Variants in TAOK3 observed in about 807,000 individuals in gnomAD.
TAOK3 encodes TAO kinase 3.
A neutral mutation model predicts 120.4 loss-of-function variants in TAOK3; 40 were observed. The ratio of observed to expected loss-of-function variants is 0.33; its 90% CI spans 0.26 to 0.43. The LOEUF is 0.43. TAOK3 is among the 20% of genes least tolerant of loss of function. The pLI, the probability that TAOK3 is intolerant of heterozygous loss-of-function variation, is 1.00. For synonymous variants in TAOK3, 355 were observed against 387.5 expected (o/e 0.92, Z 0.99); for missense variants, 821 against 1,112.1 (o/e 0.74, Z 3.72).
At chr12:118,222,227 C>G (rs960288116) in intron 9 of TAOK3, among the ~76,000 whole-genome samples, 3 of 151,942 alleles carry the variant, frequency 2.0e-5, no homozygotes, top group African/African-American at 7.3e-5. Flanking sequence ...GCCCACTGAC[C>G]AAGGAGTAAA....
intron 9 of TAOK3, among the ~76,000 whole-genome samples, chr12:118,228,339 A>AT (rs1157127199): frequency 6.6e-6 from 1 of 151,822 alleles, no homozygotes; most frequent in African/African-American, 2.4e-5. Context: ...TTTAGTAGAG[A>AT]TGGGGTTTCG....
intron 1 of TAOK3, among the ~76,000 whole-genome samples, chr12:118,333,297 A>G (rs2044228288): frequency 6.6e-6 from 1 of 152,248 alleles, no homozygotes; most frequent in Non-Finnish European, 1.5e-5. Flanking sequence ...TCTTCTGATC[A>G]TAATGAAATC....
At position 118,305,866 on chromosome 12, in the gene TAOK3, G is replaced by A. The variant is rs2043033239; in HGVS notation, c.-193-39107C>T. Among the ~76,000 whole-genome samples the A allele has an allele frequency of 2.1e-5, 3 of 142,878 alleles. No homozygotes were observed. The Admixed American group carries it at 2.2e-4, about 11-fold the overall frequency. The allele number at this position is 142,878 out of a possible 152,430, so 93.7% of individuals were successfully genotyped here. On this transcript the variant is annotated intron_variant, in intron 1 of 20. Coordinates refer to ENST00000392533, the MANE Select transcript of TAOK3 (RefSeq NM_016281.4). ...TTGCATGAGCTGAGATCACGCCACT[G>A]CACTCCAGCCTGGGCAACAGCAAAC... is the stretch of plus-strand genomic sequence containing the variant.
In TAOK3 at chr12:118,160,136, A is replaced by G; in HGVS notation, c.2352+10T>C. On this transcript the variant is annotated intron_variant, in intron 19 of 20. Coordinates refer to ENST00000392533, the MANE Select transcript of TAOK3 (RefSeq NM_016281.4). The surrounding 1 kb of genome is among the most constrained non-coding windows in gnomAD (Gnocchi z 4.2). ...CTCTCGAAGCCGTGGCACCAAACCT[A>G]ACCACTTACCGCTTGAGAGGCCATC... The G allele has an allele frequency of 6.2e-7, 1 of 1,610,008 alleles. No individual in the cohort carries two copies. Among genetic ancestry groups the G allele is most frequent in the Non-Finnish European group, 8.5e-7 (1 of 1,176,238 alleles).
At chr12:118,217,436 C>T (rs2038960767) in intron 9 of TAOK3, among the ~76,000 whole-genome samples, 3 of 152,040 alleles carry the variant, frequency 2.0e-5, no homozygotes, top group Admixed American at 6.6e-5. Flanking sequence ...CCTACAATCC[C>T]AGAACTTTGG....
intron 1 of TAOK3, among the ~76,000 whole-genome samples, chr12:118,269,930 T>C (rs1194355636): frequency 6.6e-6 from 1 of 152,220 alleles, no homozygotes; most frequent in African/African-American, 2.4e-5. Context: ...TCTTCATAAA[T>C]GTCTCTTGGA....
At chr12:118,336,173 T>C (rs557184877) in intron 1 of TAOK3, among the ~76,000 whole-genome samples, 5 of 152,232 alleles carry the variant, frequency 3.3e-5, no homozygotes, top group African/African-American at 1.2e-4. Context: ...AGGAATCACT[T>C]TACTCAATAT....
intron 1 of TAOK3, among the ~76,000 whole-genome samples, chr12:118,313,353 T>C (rs1397309206): frequency 2.0e-5 from 3 of 152,164 alleles, no homozygotes; most frequent in African/African-American, 4.8e-5. Flanking sequence ...CTTGGCTCAC[T>C]GCAACCTCCG....
At chr12:118,194,762 A>C (rs1266364131) in intron 13 of TAOK3, among the ~76,000 whole-genome samples, 1 of 151,764 alleles carries the variant, frequency 6.6e-6, no homozygotes, top group Non-Finnish European at 1.5e-5. Flanking sequence ...TTCCCCCTCC[A>C]CCAGACGGAG....
intron 1 of TAOK3, among the ~76,000 whole-genome samples, chr12:118,360,950 G>C (rs2045578677): frequency 6.6e-6 from 1 of 152,166 alleles, no homozygotes; most frequent in South Asian, 2.1e-4. Flanking sequence ...ATATGTTCCA[G>C]CAGGGAAAAG....
chr12:118,289,124 A>G (rs1190348197), intron 1 of TAOK3, among the ~76,000 whole-genome samples: 1 of 151,564 alleles, frequency 6.6e-6, no homozygotes, highest in African/African-American at 2.4e-5. Context: ...AACATGGTGA[A>G]ACCCTGTCTC....
At chr12:118,223,406 G>C (rs1446465804) in intron 9 of TAOK3, among the ~76,000 whole-genome samples, 1 of 151,386 alleles carries the variant, frequency 6.6e-6, no homozygotes, top group Non-Finnish European at 1.5e-5. Flanking sequence ...GAGTACAATG[G>C]CGTGATCTTG....
At chr12:118,167,483 G>A (rs1204506261) in intron 17 of TAOK3, among the ~76,000 whole-genome samples, 3 of 151,722 alleles carry the variant, frequency 2.0e-5, no homozygotes, top group East Asian at 1.9e-4. Context: ...AATGTCCACC[G>A]AGAAGTGTCT....
chr12:118,333,886 A>G (rs2044252267), intron 1 of TAOK3, among the ~76,000 whole-genome samples: 1 of 151,848 alleles, frequency 6.6e-6, no homozygotes, highest in African/African-American at 2.4e-5. Flanking sequence ...CTGTAATCCC[A>G]GCACTTTGGG....
intron 16 of TAOK3, among the ~76,000 whole-genome samples, chr12:118,173,221 T>C (rs1315222332): frequency 6.6e-6 from 1 of 151,274 alleles, no homozygotes; most frequent in African/African-American, 2.4e-5. Context: ...ACCCTAGGGG[T>C]TGGAGAGGAA....
chr12:118,370,912 C>G (rs1011714637), intron 1 of TAOK3, among the ~76,000 whole-genome samples: 1 of 152,150 alleles, frequency 6.6e-6, no homozygotes, highest in African/African-American at 2.4e-5. Flanking sequence ...CCTGGAATTA[C>G]GCCTAAAGCT....
At chr12:118,177,909 C>T (rs549014915) in intron 15 of TAOK3, among the ~76,000 whole-genome samples, 1 of 152,132 alleles carries the variant, frequency 6.6e-6, no homozygotes, top group Non-Finnish European at 1.5e-5. Flanking sequence ...ACATGCTTTA[C>T]TGAACACAAA....
At chr12:118,214,798 T>C (rs890241088) in intron 9 of TAOK3, among the ~76,000 whole-genome samples, 2 of 148,444 alleles carry the variant, frequency 1.3e-5, no homozygotes, top group Admixed American at 1.4e-4. Context: ...CAGGCTGGAG[T>C]GCAATGGAAC....
At chr12:118,313,985 GC>G (rs1277164623) in intron 1 of TAOK3, among the ~76,000 whole-genome samples, 1 of 152,148 alleles carries the variant, frequency 6.6e-6, no homozygotes, top group African/African-American at 2.4e-5. Context: ...TAATGCAAGA[GC>G]CCACTAGTGA....
Sources: allele counts gnomAD v4.1 joint callset (sites outside exome capture counted in the v4.1 genomes callset), GRCh38; gene constraint gnomAD v4.1.1; non-coding constraint Gnocchi (gnomAD v3.1); transcripts MANE v1.5; gene names NCBI Gene and HGNC (gene_info 2026-07-23, HGNC 2026-07-21).